DPM1: variants seen among roughly 807,000 people sequenced by gnomAD.
DPM1 encodes the protein dolichyl-phosphate mannosyltransferase subunit 1, catalytic, also known as dolichol-phosphate mannosyltransferase subunit 1.
Under a neutral mutation model 39.0 loss-of-function variants are expected in DPM1, and 27 were observed. The observed-to-expected ratio is 0.69, with a 90% CI of 0.51 to 0.95. The LOEUF is 0.95. Among genes scored for constraint, DPM1 ranks in the 40% least tolerant of loss-of-function variants. The probability of loss-of-function intolerance (pLI) is 0.00; values close to 1 mark genes in which losing one functional copy is unlikely to be tolerated. For synonymous variants in DPM1, 124 were observed against 109.0 expected, an observed-to-expected ratio of 1.14 and a Z score of -0.86; for missense variants, 307 against 315.6, an observed-to-expected ratio of 0.97 and a Z score of 0.21.
At chr20:50,953,802 G>A (rs1043730453) in intron 2 of DPM1, among the ~76,000 whole-genome samples, 1 of 152,124 alleles carries the variant, frequency 6.6e-6, no homozygotes, top group African/African-American at 2.4e-5. Flanking sequence ...TTAAATGGCA[G>A]CACATAACTC....
At chr20:50,955,332 ATTT>A in intron 1 of DPM1, 47 bp from the exon 2 acceptor site, 1 of 1,338,898 alleles carries the variant, frequency 7.5e-7, no homozygotes, top group South Asian at 1.2e-5. Context: ...GTGTTCTCAA[ATTT>A]AAAAGTAATT....
At chr20:50,954,828 A>T (rs372359220) in intron 2 of DPM1, among the ~76,000 whole-genome samples, 3 of 152,228 alleles carry the variant, frequency 2.0e-5, no homozygotes, top group South Asian at 4.1e-4. Context: ...ACCGAAAGGG[A>T]GCAAGAAAGA....
chr20:50,958,112 G>T (rs1357167121), intron 1 of DPM1, among the ~76,000 whole-genome samples: 1 of 152,320 alleles, frequency 6.6e-6, no homozygotes, highest in East Asian at 1.9e-4. Context: ...AAAGGCGGGG[G>T]ACGGGAGTAC....
Position 50,941,227 on chromosome 20 carries a change from AATATATATATATATAT to A in DPM1, c.495-310_495-295del, listed in dbSNP as rs58694792. On this transcript the variant is annotated intron_variant, in intron 6 of 8. Coordinates refer to ENST00000371588, the MANE Select transcript of DPM1 (RefSeq NM_003859.3). ...CTCCATCACTACAAAAAAAAAAGTG[AATATATATATATATAT>A]ATATATATATATATATATATAAATA... The A allele has an allele frequency of 4.8e-3, 292 of 61,184 alleles. 9 individuals are homozygous for A. Among genetic ancestry groups the A allele is most frequent in the African/African-American group, 0.017 (201 of 12,130 alleles). The allele number at this position is 61,184 out of a possible 1,614,324, so 3.8% of individuals were successfully genotyped here. A position where few individuals can be genotyped will look rare whatever the true frequency, so the allele number is the denominator to read the frequency against.
intron 2 of DPM1, among the ~76,000 whole-genome samples, chr20:50,949,429 C>T (rs965684729): frequency 2.0e-5 from 3 of 152,138 alleles, no homozygotes; most frequent in Admixed American, 2.0e-4. Flanking sequence ...GCTTGGATGA[C>T]CTCATCTCCT....
At chr20:50,946,230 AT>A (rs1276848407) in intron 3 of DPM1, among the ~76,000 whole-genome samples, 1 of 152,234 alleles carries the variant, frequency 6.6e-6, no homozygotes, top group African/African-American at 2.4e-5. Context: ...CAATTATCAC[AT>A]TCTCATGCTT....
intron 2 of DPM1, among the ~76,000 whole-genome samples, chr20:50,954,442 C>A (rs1021109178): frequency 3.3e-5 from 5 of 152,118 alleles, no homozygotes; most frequent in Admixed American, 1.3e-4. Context: ...AATCTGTCCA[C>A]ACGTCAATAG....
chr20:50,952,566 T>G (rs1293535235), intron 2 of DPM1, among the ~76,000 whole-genome samples: 1 of 152,230 alleles, frequency 6.6e-6, no homozygotes, highest in Non-Finnish European at 1.5e-5. Context: ...GGCTAATATG[T>G]ACTCTCCTCC....
At chr20:50,938,652 T>A (rs1173852368) in intron 7 of DPM1, among the ~76,000 whole-genome samples, 1 of 148,932 alleles carries the variant, frequency 6.7e-6, no homozygotes, top group Admixed American at 6.6e-5. Flanking sequence ...AGTACTGGGA[T>A]TACAGGCGTG....
chr20:50,938,858 A>T (rs1393494249), intron 7 of DPM1, among the ~76,000 whole-genome samples: 2 of 151,744 alleles, frequency 1.3e-5, no homozygotes, highest in African/African-American at 4.8e-5. Context: ...GCACGCCTGT[A>T]ATCCCAGCTA....
intron 1 of DPM1, among the ~76,000 whole-genome samples, chr20:50,957,471 T>C (rs1986887605): frequency 6.6e-6 from 1 of 152,352 alleles, no homozygotes; most frequent in East Asian, 1.9e-4. Context: ...AGCACCGCTA[T>C]GTGTCAAGCA....
Position 50,941,919 on chromosome 20 carries a change from G to A in DPM1, c.494+112C>T, listed in dbSNP as rs557012549. The A allele has an allele frequency of 3.9e-4, 359 of 918,086 alleles. 1 individual carries two copies. Among genetic ancestry groups the A allele is most frequent in the Admixed American group, 7.0e-4 (39 of 55,906 alleles). 56.9% of individuals were successfully genotyped at this position (918,086 alleles called of 1,614,324 possible). A position where few individuals can be genotyped will look rare whatever the true frequency, so the allele number is the denominator to read the frequency against. ...AACTATCTGGGAGTATTTACTGGAA[G>A]TTATAACCTGATCCCACAAATCCCG... is the stretch of plus-strand genomic sequence containing the variant. On this transcript the variant is annotated intron_variant, in intron 6 of 8. Coordinates refer to ENST00000371588, the MANE Select transcript of DPM1 (RefSeq NM_003859.3).
chr20:50,952,784 G>A (rs1397632429), intron 2 of DPM1, among the ~76,000 whole-genome samples: 2 of 152,154 alleles, frequency 1.3e-5, no homozygotes, highest in South Asian at 2.1e-4. Flanking sequence ...AATAATAAAC[G>A]TGTTACATTT....
chr20:50,952,014 G>A lies in DPM1; in HGVS notation c.261+3172C>T, dbSNP rs189454401. ...TCAATCTGATGGCCCCTTTCTATGT[G>A]AGGCAGGATAGCATTACAGACAGGA... On this transcript the variant is annotated intron_variant, in intron 2 of 8. Transcript: ENST00000371588. Among the ~76,000 whole-genome samples the A allele has an allele frequency of 1.8e-3, 274 of 152,044 alleles. 2 individuals carry two copies. Among genetic ancestry groups the A allele is most frequent in the Admixed American group, 2.1e-3 (32 of 15,280 alleles).
At chr20:50,941,259 T>TATATATATATATAA (rs1568762595) in intron 6 of DPM1, 3 of 166,892 alleles carry the variant, frequency 1.8e-5, no homozygotes, top group Middle Eastern at 2.2e-3. Flanking sequence ...TATATATATA[T>TATATATATATATAA]ATATAAATAA....
chr20:50,946,016 A>C, intron 3 of DPM1, 93 bp from the exon 4 acceptor site: 2 of 1,056,566 alleles, frequency 1.9e-6, no homozygotes, highest in Non-Finnish European at 2.9e-6. Context: ...CCTGAAGAGC[A>C]CACATTAGTT....
At chr20:50,952,739 G>T (rs936057564) in intron 2 of DPM1, among the ~76,000 whole-genome samples, 4 of 152,136 alleles carry the variant, frequency 2.6e-5, no homozygotes, top group African/African-American at 9.7e-5. Context: ...TTTTCAAGTA[G>T]TCAAACCTTT....
intron 5 of DPM1, among the ~76,000 whole-genome samples, chr20:50,942,874 C>T (rs1601035799): frequency 6.6e-6 from 1 of 152,240 alleles, no homozygotes; most frequent in Middle Eastern, 3.4e-3. Flanking sequence ...TGGTTTCTGT[C>T]AGTTAACAAT....
chr20:50,948,839 C>T (rs755561537), intron 2 of DPM1, among the ~76,000 whole-genome samples, 177 bp from the exon 3 acceptor site: 3 of 151,624 alleles, frequency 2.0e-5, no homozygotes, highest in Non-Finnish European at 2.9e-5. Context: ...CATTTGGTAA[C>T]AAACCAAATA....
Sources: allele counts gnomAD v4.1 joint callset (sites outside exome capture counted in the v4.1 genomes callset), GRCh38; gene constraint gnomAD v4.1.1; transcripts MANE v1.5; gene names NCBI Gene and HGNC (gene_info 2026-07-23, HGNC 2026-07-21).